The following CACNB2 variants were observed in gnomAD, a reference collection of about 807,000 sequenced individuals.
CACNB2 encodes the protein calcium voltage-gated channel auxiliary subunit beta 2, also known as voltage-dependent L-type calcium channel subunit beta-2.
CACNB2 carries 42 observed loss-of-function variants against 73.3 expected under a neutral mutation model. The observed-to-expected ratio is 0.57, with a 90% CI of 0.45 to 0.74. CACNB2 has a LOEUF of 0.74. CACNB2 is among the 30% of genes least tolerant of loss of function. The pLI is 0.00. For synonymous variants in CACNB2, 348 were observed against 310.3 expected (o/e 1.12, Z -1.28); for missense variants, 940 against 853.0 (o/e 1.10, Z -1.27).
intron 2 of CACNB2, among the ~76,000 whole-genome samples, chr10:18,289,237 A>G (rs921512907): frequency 2.0e-5 from 3 of 151,486 alleles, no homozygotes; most frequent in East Asian, 3.9e-4. Flanking sequence ...AAAAATCCAG[A>G]ATCATTCAAA....
chr10:18,479,974 T>A (rs187953105), intron 3 of CACNB2, among the ~76,000 whole-genome samples: 8 of 152,330 alleles, frequency 5.3e-5, no homozygotes. Flanking sequence ...AGGTTGATCA[T>A]AGGCTGTATT....
chr10:18,297,085 G>T (rs1196017227), intron 2 of CACNB2, among the ~76,000 whole-genome samples: 1 of 152,156 alleles, frequency 6.6e-6, no homozygotes, highest in Non-Finnish European at 1.5e-5. Flanking sequence ...CAATCCTACT[G>T]CTATAACATG....
At chr10:18,420,953 T>G (rs1292575590) in intron 3 of CACNB2, among the ~76,000 whole-genome samples, 1 of 152,204 alleles carries the variant, frequency 6.6e-6, no homozygotes, top group Non-Finnish European at 1.5e-5. Flanking sequence ...TTCTAGAAAT[T>G]AAAGTTTACC....
At chr10:18,309,409 G>T (rs2039873752) in intron 2 of CACNB2, among the ~76,000 whole-genome samples, 1 of 152,212 alleles carries the variant, frequency 6.6e-6, no homozygotes, top group African/African-American at 2.4e-5. Context: ...GCTGCATGGT[G>T]CAGTTCAGGT....
At chr10:18,376,868 A>G (rs1230043660) in intron 2 of CACNB2, among the ~76,000 whole-genome samples, 3 of 152,202 alleles carry the variant, frequency 2.0e-5, no homozygotes, top group Non-Finnish European at 4.4e-5. Flanking sequence ...GACCTTAGCC[A>G]TTAGGCTGAT....
rs532586035 is a variant in CACNB2 at position 18,291,348 on chromosome 10, A to G, written c.214-110576A>G. On this transcript the variant is annotated intron_variant, in intron 2 of 13. Coordinates refer to ENST00000324631, the MANE Select transcript of CACNB2 (RefSeq NM_201596.3). The stretch of plus-strand genomic sequence containing the variant: ...AGCTTCTTATTAAAGCTTGGAGAGT[A>G]ATTGGGAATTGCAATTGAACAGCCG... Among the ~76,000 whole-genome samples, 7 of 152,302 alleles carry G rather than the reference A, an allele frequency of 4.6e-5. No individual in the cohort carries two copies. The South Asian group carries it at 1.5e-3, about 32-fold the overall frequency.
Position 18,525,046 on chromosome 10 carries a change from A to AC in CACNB2, c.945-2542_945-2541insC, listed in dbSNP as rs982937110. ...ATGCTGTCTAAAAAAAAAAAAAAAA[A>AC]AAACACATTATATGACATAGTTCAT... On this transcript the variant is annotated intron_variant, in intron 9 of 13. Transcript: ENST00000324631. 9.7e-4 allele frequency among the ~76,000 whole-genome samples: 145 copies of AC among 149,856 alleles called. 1 individual carries two copies. In the East Asian group the frequency reaches 0.023, roughly 24 times the overall value.
At chr10:18,424,546 T>G (rs1035445383) in intron 3 of CACNB2, among the ~76,000 whole-genome samples, 2 of 152,270 alleles carry the variant, frequency 1.3e-5, no homozygotes, top group East Asian at 3.9e-4. Context: ...CTCAGTCTGG[T>G]CGGGTGTCCG....
At position 18,351,319 on chromosome 10, in the gene CACNB2, T is replaced by C. The variant is rs914910917; in HGVS notation, c.214-50605T>C. Reference sequence around the variant, plus strand: ...ACAGATGAGAAGACAATTAATTCTGTGATAAAGTATCATAAGGCAAGAAAG... The same window carrying C: ...ACAGATGAGAAGACAATTAATTCTGCGATAAAGTATCATAAGGCAAGAAAG... On this transcript the variant is annotated intron_variant, in intron 2 of 13. Transcript: ENST00000324631. 2.0e-5 allele frequency among the ~76,000 whole-genome samples: 3 copies of C among 152,336 alleles called. No individual in the cohort carries two copies. The South Asian group carries it at 6.2e-4, about 32-fold the overall frequency.
intron 3 of CACNB2, among the ~76,000 whole-genome samples, chr10:18,457,077 A>C (rs1279284603): frequency 4.3e-5 from 6 of 138,442 alleles, no homozygotes; most frequent in African/African-American, 1.5e-4. Context: ...GTGCACAAAT[A>C]CACCTCCAAG....
chr10:18,503,053 T>G (rs1332183984), intron 5 of CACNB2, among the ~76,000 whole-genome samples: 5 of 152,174 alleles, frequency 3.3e-5, no homozygotes, highest in Non-Finnish European at 7.3e-5. Context: ...TTAGCAGCAG[T>G]AAATTATTCA....
intron 2 of CACNB2, among the ~76,000 whole-genome samples, chr10:18,158,684 A>G (rs1450030292): frequency 8.0e-5 from 12 of 150,302 alleles, no homozygotes; most frequent in Admixed American, 7.9e-4. Flanking sequence ...AAAAGAAAGG[A>G]AAAAAAAATC....
chr10:18,456,134 A>G (rs894101089), intron 3 of CACNB2, among the ~76,000 whole-genome samples: 2 of 152,156 alleles, frequency 1.3e-5, no homozygotes, highest in African/African-American at 4.8e-5. Flanking sequence ...TGACAGATGA[A>G]TGTACATGAC....
chr10:18,509,627 C>T (rs2050663262), intron 6 of CACNB2, among the ~76,000 whole-genome samples: 1 of 151,780 alleles, frequency 6.6e-6, no homozygotes, highest in Non-Finnish European at 1.5e-5. Context: ...AAGTGAGACC[C>T]CGTTTCTAAA....
intron 2 of CACNB2, among the ~76,000 whole-genome samples, chr10:18,294,323 A>T (rs1027568332): frequency 1.3e-5 from 2 of 152,150 alleles, no homozygotes; most frequent in Admixed American, 1.3e-4. Flanking sequence ...GGAAAAGATG[A>T]TAGCAACCAG....
intron 2 of CACNB2, among the ~76,000 whole-genome samples, chr10:18,308,511 C>G (rs959750675): frequency 1.3e-5 from 2 of 152,128 alleles, no homozygotes; most frequent in African/African-American, 4.8e-5. Flanking sequence ...ATTGTAGTGT[C>G]CTACAGCAAA....
intron 2 of CACNB2, among the ~76,000 whole-genome samples, chr10:18,177,669 C>T (rs951597542): frequency 5.3e-5 from 8 of 151,914 alleles, no homozygotes; most frequent in African/African-American, 1.5e-4. Flanking sequence ...GTGAGGCAAG[C>T]GGCTCCATCT....
intron 2 of CACNB2, among the ~76,000 whole-genome samples, chr10:18,155,802 T>A (rs1054610274): frequency 1.3e-5 from 2 of 151,894 alleles, no homozygotes; most frequent in African/African-American, 4.8e-5. Context: ...TTTTCTGATA[T>A]CTAACCCACA....
intron 2 of CACNB2, among the ~76,000 whole-genome samples, chr10:18,163,268 A>G (rs1429106789): frequency 6.6e-6 from 1 of 152,228 alleles, no homozygotes; most frequent in Non-Finnish European, 1.5e-5. Flanking sequence ...CAGATGATGA[A>G]TGAAGACCTT....
Sources: gnomAD v4.1 joint callset for allele counts (sites outside exome capture counted in the v4.1 genomes callset) on GRCh38, gnomAD v4.1.1 for gene constraint, MANE v1.5 for transcripts, NCBI Gene and HGNC (gene_info 2026-07-23, HGNC 2026-07-21) for gene names.